The following SPTLC1 variants were observed in gnomAD, a reference collection of about 807,000 sequenced individuals.
The protein encoded by SPTLC1 is serine palmitoyltransferase long chain base subunit 1, also known as serine palmitoyltransferase 1.
In SPTLC1, 55 loss-of-function variants were observed where a neutral mutation model predicts 68.9. That is an observed-to-expected ratio of 0.80 (90% CI 0.64 to 1.00). The LOEUF is 1.00. Among genes scored for constraint, SPTLC1 ranks in the 50% least tolerant of loss-of-function variants. The probability of loss-of-function intolerance (pLI) is 0.00; values close to 1 mark genes in which losing one functional copy is unlikely to be tolerated. For synonymous variants in SPTLC1, 197 were observed against 201.6 expected, an observed-to-expected ratio of 0.98 and a Z score of 0.19; for missense variants, 449 against 573.1, an observed-to-expected ratio of 0.78 and a Z score of 2.21.
At chr9:92,080,689 C>T (rs1379676148) in intron 4 of SPTLC1, among the ~76,000 whole-genome samples, 181 bp downstream of exon 4, 2 of 152,176 alleles carry the variant, frequency 1.3e-5, no homozygotes, top group Admixed American at 6.5e-5. Flanking sequence ...CAGGCATGTG[C>T]CACCATGCCC....
intron 5 of SPTLC1, among the ~76,000 whole-genome samples, chr9:92,068,408 C>A (rs961020912): frequency 6.6e-6 from 1 of 152,230 alleles, no homozygotes; most frequent in African/African-American, 2.4e-5. Flanking sequence ...AGTTTCCCTG[C>A]ATTAACTGTC....
At chr9:92,079,154 C>T in intron 5 of SPTLC1, 1 of 405,588 alleles carries the variant, frequency 2.5e-6, no homozygotes, top group South Asian at 5.6e-5. Context: ...CGGCTCACTG[C>T]AACCTCTGCC....
At chr9:92,104,497 C>A in intron 3 of SPTLC1, 1 of 1,417,498 alleles carries the variant, frequency 7.1e-7, no homozygotes, top group Non-Finnish European at 9.6e-7. Flanking sequence ...CTGGAGCCCC[C>A]CCCTCAAGGA....
chr9:92,095,561 T>C (rs759514600), intron 3 of SPTLC1, among the ~76,000 whole-genome samples: 6 of 152,176 alleles, frequency 3.9e-5, no homozygotes, highest in Non-Finnish European at 7.4e-5. Flanking sequence ...GCAGCAACTC[T>C]ACCTCTCTTT....
intron 1 of SPTLC1, among the ~76,000 whole-genome samples, chr9:92,114,728 ACC>A (rs1279554748): frequency 6.7e-6 from 1 of 149,256 alleles, no homozygotes; most frequent in Non-Finnish European, 1.5e-5. Context: ...AGTGCGAAAC[ACC>A]GTCTCAAAAA....
intron 8 of SPTLC1, chr9:92,055,058 C>A (rs1833838398): frequency 5.3e-6 from 1 of 188,974 alleles, no homozygotes; most frequent in Admixed American, 6.5e-5. Context: ...GACCCCTACT[C>A]CACAAAAAAG....
rs1419597770 is a variant in SPTLC1 at position 92,034,826 on chromosome 9, A to G, written c.1312T>C (p.Cys438Arg). The part of the protein sequence containing the change: ...QARYLEKEEK[C>R]LPPPSIRVVV... ...TCAACTGACCTGGGAGGAGGGAGAC[A>G]CTTCTCTTCTTTCTCCAAGTAGCGC... The change falls in exon 14 of 15, where the codon TGT becomes CGT. Residue 438 changes from cysteine to arginine, a missense_variant. Cys to Arg is a radical substitution (Grantham distance 180). This residue lies in a region of SPTLC1 where 391 missense variants were observed against 472.1 expected (regional missense o/e 0.83). Transcript: ENST00000262554. 52 of 1,614,156 alleles carry G rather than the reference A, an allele frequency of 3.2e-5. No individual in the cohort carries two copies. The highest frequency in any genetic ancestry group is 4.2e-5 in the Non-Finnish European group (50 of 1,179,982).
At position 92,084,964 on chromosome 9, in the gene SPTLC1, T is replaced by C. The variant is rs1243319589; in HGVS notation, c.261-4001A>G. ...GAGATTCAACTTCTTCCTGGTTTAG[T>C]CTTGGAAGGGTGTATGTGTCGAGGA... On this transcript the variant is annotated intron_variant, in intron 3 of 14. Transcript: ENST00000262554. Among the ~76,000 whole-genome samples, 4 of 152,244 alleles carry C rather than the reference T, an allele frequency of 2.6e-5. No homozygotes were observed. The East Asian group carries it at 7.7e-4, about 29-fold the overall frequency.
At chr9:92,087,821 T>C (rs978878480) in intron 3 of SPTLC1, among the ~76,000 whole-genome samples, 9 of 152,250 alleles carry the variant, frequency 5.9e-5, no homozygotes, top group African/African-American at 1.9e-4. Flanking sequence ...CTGCTGTCTT[T>C]TTGTTTGTCT....
At position 92,059,213 on chromosome 9, in the gene SPTLC1, C is replaced by T. The variant is rs373991190; in HGVS notation, c.656G>A (p.Arg219Gln). 1.4e-5 allele frequency: 22 copies of T among 1,613,774 alleles called. No homozygotes were observed. The highest frequency in any genetic ancestry group is 1.6e-4 in the Middle Eastern group (1 of 6,084). The change falls in exon 7 of 15, where the codon CGA becomes CAA. Residue 219 changes from arginine to glutamine, a missense_variant. This residue lies in a region of SPTLC1 where 391 missense variants were observed against 472.1 expected (regional missense o/e 0.83). Transcript: ENST00000262554. ...TTCGATCTCTTGTTCTTTTAGTAGT[C>T]GCTCGAGGTCAGCCATGTCATTATG... ...FKHNDMADLE[R>Q]LLKEQEIEDQ...
intron 5 of SPTLC1, among the ~76,000 whole-genome samples, chr9:92,077,420 T>C (rs560541767): frequency 5.6e-4 from 86 of 152,218 alleles, no homozygotes; most frequent in African/African-American, 1.9e-3. Context: ...GGACCTTACC[T>C]GGTCGTCTAT....
chr9:92,060,401 C>T lies in SPTLC1; in HGVS notation c.561-1093G>A, dbSNP rs372988410. Reference sequence around the variant, plus strand: ...TCTTACAACAATTTTAGAGCAGCCACGATAAAAATATTTTAATGAGCCACC... The same window carrying T: ...TCTTACAACAATTTTAGAGCAGCCATGATAAAAATATTTTAATGAGCCACC... On this transcript the variant is annotated intron_variant, in intron 6 of 14. Coordinates refer to ENST00000262554, the MANE Select transcript of SPTLC1 (RefSeq NM_006415.4). Among the ~76,000 whole-genome samples the T allele has an allele frequency of 8.2e-4, 125 of 151,844 alleles. 1 individual carries two copies. Among genetic ancestry groups the T allele is most frequent in the Middle Eastern group, 6.8e-3 (2 of 294 alleles).
intron 3 of SPTLC1, among the ~76,000 whole-genome samples, chr9:92,097,388 ATTTT>A (rs530770111): frequency 8.5e-5 from 13 of 152,342 alleles, no homozygotes; most frequent in South Asian, 4.1e-4. Flanking sequence ...CAGTTTTATT[ATTTT>A]TTATTTTTTC....
At chr9:92,106,737 C>T (rs1373680080) in intron 3 of SPTLC1, among the ~76,000 whole-genome samples, 2 of 152,118 alleles carry the variant, frequency 1.3e-5, no homozygotes, top group Admixed American at 1.3e-4. Flanking sequence ...TGACCTTGCC[C>T]CCATTTTGGG....
At chr9:92,097,019 T>C (rs564195441) in intron 3 of SPTLC1, among the ~76,000 whole-genome samples, 2 of 152,290 alleles carry the variant, frequency 1.3e-5, no homozygotes, top group East Asian at 3.9e-4. Flanking sequence ...GTGATTAAAG[T>C]AGACATTTCT....
intron 13 of SPTLC1, among the ~76,000 whole-genome samples, chr9:92,035,280 C>A (rs1326104630): frequency 6.6e-6 from 1 of 152,200 alleles, no homozygotes; most frequent in Non-Finnish European, 1.5e-5. Context: ...CAAAGTCCTG[C>A]AGGCTGGACT....
chr9:92,032,701 C>G, intron 14 of SPTLC1, 143 bp from the exon 15 acceptor site: 1 of 1,114,472 alleles, frequency 9.0e-7, no homozygotes, highest in East Asian at 2.7e-5. Context: ...ACAGTGAAAC[C>G]CCATCTCTGC....
chr9:92,105,275 T>C (rs1835915972), intron 3 of SPTLC1: 4 of 1,534,390 alleles, frequency 2.6e-6, no homozygotes, highest in East Asian at 4.9e-5. Context: ...TCCATGTCTA[T>C]CTCCTGAGGC....
intron 8 of SPTLC1, chr9:92,055,126 T>C: frequency 1.5e-6 from 1 of 654,140 alleles, no homozygotes; most frequent in Non-Finnish European, 1.9e-6. Flanking sequence ...CTCAGAAAGC[T>C]AAGGTGGAAG....
Sources: gnomAD v4.1 joint callset for allele counts (sites outside exome capture counted in the v4.1 genomes callset) on GRCh38, gnomAD v4.1.1 for gene constraint, gnomAD v4.1.1 regional missense constraint, MANE v1.5 for transcripts, NCBI Gene and HGNC (gene_info 2026-07-23, HGNC 2026-07-21) for gene names.